Variants in TENM4 observed in about 807,000 individuals in gnomAD.
TENM4 encodes teneurin transmembrane protein 4, also known as teneurin-4.
In TENM4, 82 loss-of-function variants were observed where a neutral mutation model predicts 243.3. That is an observed-to-expected ratio of 0.34 (90% confidence interval 0.28 to 0.40). The LOEUF (loss-of-function observed/expected upper bound fraction) is 0.40, where lower values mean the gene tolerates loss of function less well. TENM4 is among the 10% of genes least tolerant of loss of function. The probability of loss-of-function intolerance (pLI) is 1.00; values close to 1 mark genes in which losing one functional copy is unlikely to be tolerated. For missense variants in TENM4, 3,138 were observed against 3,673.3 expected (o/e 0.85, Z 3.77); for synonymous variants, 1,412 against 1,456.3 (o/e 0.97, Z 0.69).
At chr11:79,298,123 C>T (rs952074453) in intron 1 of TENM4, among the ~76,000 whole-genome samples, 2 of 152,050 alleles carry the variant, frequency 1.3e-5, no homozygotes, top group East Asian at 3.9e-4. Context: ...TCTCCAAGGC[C>T]TTTCCAGGTG....
chr11:79,118,914 T>C (rs1003792950), intron 4 of TENM4, among the ~76,000 whole-genome samples: 5 of 152,188 alleles, frequency 3.3e-5, no homozygotes, highest in Non-Finnish European at 7.3e-5. Flanking sequence ...TTCTTTTGGG[T>C]TCCACTCAGA....
chr11:78,797,458 A>AT (rs1182413959), intron 15 of TENM4, among the ~76,000 whole-genome samples: 4 of 152,236 alleles, frequency 2.6e-5, no homozygotes, highest in African/African-American at 4.8e-5. Context: ...CTGAAGCCCA[A>AT]TTTCAGAAGG....
In TENM4 at chr11:78,732,532, G is replaced by A. The variant is rs199616065; in HGVS notation, c.2922C>T (p.Phe974=). 2.1e-5 allele frequency: 34 copies of A among 1,611,800 alleles called. No homozygotes were observed. The highest frequency in any genetic ancestry group is 2.7e-5 in the Non-Finnish European group (32 of 1,178,530). The part of the protein sequence containing the change: ...TNGGISIILR[F]ERAPFITQEH... ...CCTGTGTGATGAAAGGTGCCCGCTC[G>A]AACCGCAGGATGATGGAGATGCCGC... The change falls in exon 21 of 34, where the codon TTC becomes TTT. Residue 974 remains phenylalanine, a synonymous_variant. Transcript: ENST00000278550.
In TENM4 at chr11:78,805,282, C is replaced by CCCCCCCCCCCCCCCCCCCCCCCCCCTTTT; in HGVS notation, c.2179+9_2179+10insAAAAGGGGGGGGGGGGGGGGGGGGGGGGG. The stretch of plus-strand genomic sequence containing the variant: ...CCCTCTACCCATGCTTCTTCTCCCC[C>CCCCCCCCCCCCCCCCCCCCCCCCCCTTTT]TGCATTTACCGATAGAACAGTCGTG... On this transcript the variant is annotated intron_variant, in intron 15 of 33. Transcript: ENST00000278550. 1.0e-6 allele frequency: 1 copy of CCCCCCCCCCCCCCCCCCCCCCCCCCTTTT among 995,568 alleles called. No homozygotes were observed. Among genetic ancestry groups the CCCCCCCCCCCCCCCCCCCCCCCCCCTTTT allele is most frequent in the South Asian group, 3.2e-5 (1 of 30,968 alleles). 61.7% of individuals were successfully genotyped at this position (995,568 alleles called of 1,614,324 possible).
At chr11:79,081,901 GGAACAGTCCTTCCCTCC>G (rs1860685147) in intron 4 of TENM4, among the ~76,000 whole-genome samples, 1 of 152,062 alleles carries the variant, frequency 6.6e-6, no homozygotes, top group African/African-American at 2.4e-5. Context: ...AAGTGACCTC[GGAACAGTCCTTCCCTCC>G]CTCAGCTGGT....
At position 78,658,687 on chromosome 11, in the gene TENM4, A is replaced by G. The variant is rs1465880944; in HGVS notation, c.7681T>C (p.Ser2561Pro). The change falls in exon 34 of 34, where the codon TCC (serine) becomes CCC (proline). Residue 2561 changes from serine (S) to proline (P), a missense_variant. By Grantham distance (74) the Ser-to-Pro change is moderately conservative. Around this residue, in one of 2 missense-constraint regions of TENM4, gnomAD observed 2,467 missense variants for 3,059.1 expected, o/e 0.81. Coordinates refer to ENST00000278550, the MANE Select transcript of TENM4 (RefSeq NM_001098816.3). ...QQAPKTKKFA[S>P]SGSVFGKGVK... ...CCCTTGCCAAAGACTGAGCCGCTGGATGCAAACTTCTTGGTCTTTGGAGCC... is the reference window on the plus strand; with the variant it reads ...CCCTTGCCAAAGACTGAGCCGCTGGGTGCAAACTTCTTGGTCTTTGGAGCC... The G allele has an allele frequency of 6.2e-7, 1 of 1,614,028 alleles. No homozygotes were observed. Among genetic ancestry groups the G allele is most frequent in the Admixed American group, 1.7e-5 (1 of 60,028 alleles).
At chr11:79,067,780 T>C (rs1325175958) in intron 5 of TENM4, 2 of 152,226 alleles carry the variant, frequency 1.3e-5, no homozygotes, top group Admixed American at 6.5e-5. Flanking sequence ...TATGTCCTTT[T>C]TGGCCTCTTT....
intron 2 of TENM4, among the ~76,000 whole-genome samples, chr11:79,233,681 T>G (rs905342608): frequency 5.3e-5 from 8 of 152,074 alleles, no homozygotes; most frequent in Admixed American, 2.0e-4. Context: ...AGATCGCCAG[T>G]TGGGGTAGAA....
intron 1 of TENM4, among the ~76,000 whole-genome samples, chr11:79,437,014 C>T (rs1859284453): frequency 6.6e-6 from 1 of 152,326 alleles, no homozygotes; most frequent in Middle Eastern, 3.4e-3. Context: ...CTTTCAGTTC[C>T]CCAAACATTT....
intron 1 of TENM4, among the ~76,000 whole-genome samples, chr11:79,352,547 A>T (rs2135479898): frequency 6.6e-6 from 1 of 152,288 alleles, no homozygotes; most frequent in East Asian, 1.9e-4. Context: ...CAGCAAATTG[A>T]TTTGTGCCAG....
intron 3 of TENM4, among the ~76,000 whole-genome samples, chr11:79,198,696 T>TTGAC (rs1191373150): frequency 2.0e-5 from 3 of 152,156 alleles, no homozygotes. Flanking sequence ...ATGCACTTAA[T>TTGAC]TGACAAATAT....
intron 18 of TENM4, 110 bp from the exon 19 acceptor site, chr11:78,757,131 A>C: frequency 8.3e-7 from 1 of 1,202,874 alleles, no homozygotes; most frequent in Non-Finnish European, 1.1e-6. Context: ...CAAAAACTTT[A>C]TTAAATGCTG....
intron 4 of TENM4, among the ~76,000 whole-genome samples, chr11:79,121,188 CATA>C (rs1861738527): frequency 6.8e-5 from 1 of 14,726 alleles, no homozygotes; most frequent in African/African-American, 9.0e-5. Context: ...TTCTTGTTTA[CATA>C]GGCTTTCTTG....
chr11:79,138,386 T>C (rs1591308795), intron 4 of TENM4, among the ~76,000 whole-genome samples: 1 of 121,518 alleles, frequency 8.2e-6, no homozygotes, highest in South Asian at 2.2e-4. Flanking sequence ...ATATATATTA[T>C]ATAATATAGT....
chr11:78,955,108 C>A (rs531070774), intron 6 of TENM4, among the ~76,000 whole-genome samples: 3 of 152,244 alleles, frequency 2.0e-5, no homozygotes, highest in African/African-American at 7.2e-5. Flanking sequence ...ACATGTTGGA[C>A]TGACCATCCA....
At chr11:79,064,559 A>G in intron 6 of TENM4, 179 bp downstream of exon 6, 1 of 782,120 alleles carries the variant, frequency 1.3e-6, no homozygotes, top group South Asian at 1.9e-5. Context: ...CTGGCATGTC[A>G]CTCATGGGTG....
intron 6 of TENM4, among the ~76,000 whole-genome samples, chr11:79,049,081 C>T (rs1400460290): frequency 6.6e-6 from 1 of 152,136 alleles, no homozygotes; most frequent in Non-Finnish European, 1.5e-5. Flanking sequence ...AGGTAGAGAC[C>T]ACGTCAGGTC....
At chr11:78,989,145 T>C (rs910730128) in intron 6 of TENM4, among the ~76,000 whole-genome samples, 8 of 152,234 alleles carry the variant, frequency 5.3e-5, no homozygotes, top group African/African-American at 1.7e-4. Flanking sequence ...ATTAATAAGT[T>C]AGTCCTATTG....
rs1864041555 is a variant in TENM4 at position 79,215,798 on chromosome 11, G to A, written c.-163+10C>T. On this transcript the variant is annotated intron_variant, in intron 3 of 33. Transcript: ENST00000278550. ...AATGACAGAAAATCAGAGCAGACAA[G>A]GGGACTGACCTGGCTCCATGTCAGC... The A allele has an allele frequency of 1.0e-6, 1 of 985,776 alleles. No homozygotes were observed. The highest frequency in any genetic ancestry group is 1.7e-5 in the African/African-American group (1 of 57,236). 61.1% of individuals were successfully genotyped at this position (985,776 alleles called of 1,614,324 possible).
Sources: gnomAD v4.1 joint callset for allele counts (sites outside exome capture counted in the v4.1 genomes callset) on GRCh38, gnomAD v4.1.1 for gene constraint, gnomAD v4.1.1 regional missense constraint, MANE v1.5 for transcripts, NCBI Gene and HGNC (gene_info 2026-07-23, HGNC 2026-07-21) for gene names.